HLF: variants seen among roughly 807,000 people sequenced by gnomAD.
The protein encoded by HLF is hepatic leukemia factor.
A neutral mutation model predicts 22.6 loss-of-function variants in HLF; 3 were observed. The observed-to-expected ratio is 0.13, with a 90% CI of 0.06 to 0.34. HLF has a LOEUF of 0.34. HLF is among the 10% of genes least tolerant of loss of function. HLF has a pLI of 1.00. For missense variants in HLF, 299 were observed against 389.2 expected, an observed-to-expected ratio of 0.77 and a Z score of 1.95; for synonymous variants, 151 against 151.8, an observed-to-expected ratio of 0.99 and a Z score of 0.04.
chr17:55,305,449 A>G (rs1471861578), intron 2 of HLF, among the ~76,000 whole-genome samples: 9 of 151,950 alleles, frequency 5.9e-5, no homozygotes, highest in Admixed American at 4.6e-4. Context: ...GGGTTTGCCA[A>G]CTCTTGTCCA....
intron 2 of HLF, among the ~76,000 whole-genome samples, chr17:55,305,947 T>G (rs1338519872): frequency 6.6e-6 from 1 of 152,244 alleles, no homozygotes; most frequent in East Asian, 1.9e-4. Context: ...GTCTTAAGCT[T>G]TCTGTTTTCT....
rs537675911 is a variant in HLF, at chr17:55,320,382, C to T, written c.673-282C>T. On this transcript the variant is annotated intron_variant, in intron 3 of 3. Coordinates refer to ENST00000226067, the MANE Select transcript of HLF (RefSeq NM_002126.5). The surrounding 1 kb of genome is among the most constrained non-coding windows in gnomAD (Gnocchi z 4.2). ...ATTTAAGGGTGAGGTGAGCCACCTG[C>T]TTTCATCCAGCCTCTGATCTCTGCT... 4.6e-5 allele frequency among the ~76,000 whole-genome samples: 7 copies of T among 152,332 alleles called. No individual in the cohort carries two copies. The South Asian group carries it at 1.0e-3, about 23-fold the overall frequency.
At chr17:55,266,391 C>T (rs2080790420) in intron 1 of HLF, 1 of 152,242 alleles carries the variant, frequency 6.6e-6, no homozygotes, top group Admixed American at 6.5e-5. Flanking sequence ...GCCCCAAACC[C>T]GGCTAAGTGA....
chr17:55,305,468 T>C (rs3794752), intron 2 of HLF, among the ~76,000 whole-genome samples: 35,821 of 152,072 alleles, frequency 0.24, 4,571 homozygotes, highest in East Asian at 0.29. Context: ...CAGGAACCTA[T>C]TGGGCTAGAG....
At chr17:55,293,362 C>A (rs1262196338) in intron 2 of HLF, among the ~76,000 whole-genome samples, 1 of 152,170 alleles carries the variant, frequency 6.6e-6, no homozygotes, top group African/African-American at 2.4e-5. Context: ...CGCCACTGTG[C>A]TCTGAGGAGA....
intron 2 of HLF, among the ~76,000 whole-genome samples, chr17:55,307,243 T>G (rs1322245429): frequency 7.3e-6 from 1 of 136,872 alleles, no homozygotes; most frequent in East Asian, 2.5e-4. Context: ...AGCCTCCACC[T>G]CACAGGTTCA....
chr17:55,309,253 A>G (rs34699971), intron 2 of HLF, among the ~76,000 whole-genome samples: 10,434 of 152,248 alleles, frequency 0.069, 808 homozygotes, highest in African/African-American at 0.19. Flanking sequence ...GAGACCAGCT[A>G]ATATGGCCTG....
intron 2 of HLF, among the ~76,000 whole-genome samples, chr17:55,310,106 TTTG>T (rs1904761795): frequency 6.6e-6 from 1 of 152,248 alleles, no homozygotes; most frequent in Non-Finnish European, 1.5e-5. Context: ...CAACTTTGGG[TTTG>T]AAGGTAACTT....
intron 2 of HLF, among the ~76,000 whole-genome samples, chr17:55,270,293 G>A (rs2080840031): frequency 6.6e-6 from 1 of 152,206 alleles, no homozygotes; most frequent in South Asian, 2.1e-4. Flanking sequence ...TCTTGGAGTT[G>A]AAAACTCGAT....
Position 55,321,035 on chromosome 17 carries a change from GTA to G in HLF, c.*160_*161del, listed in dbSNP as rs1401112145. ...GGTGTGCATCTGTGTGTGTGTGCGTGTATATGTGCTTGTGCTCATGTGTGTGG... is the reference window on the plus strand; with the variant it reads ...GGTGTGCATCTGTGTGTGTGTGCGTGTATGTGCTTGTGCTCATGTGTGTGG... On this transcript the variant is annotated 3_prime_UTR_variant, in exon 4 of 4. Coordinates refer to ENST00000226067, the MANE Select transcript of HLF (RefSeq NM_002126.5). 1 of 627,530 alleles carries G rather than the reference GTA, an allele frequency of 1.6e-6. No homozygotes were observed. The highest frequency in any genetic ancestry group is 2.9e-6 in the Non-Finnish European group (1 of 350,428). The allele number at this position is 627,530 out of a possible 1,614,324, so 38.9% of individuals were successfully genotyped here.
Position 55,319,323 on chromosome 17 carries a change from G to T in HLF, c.673-1341G>T, listed in dbSNP as rs375980798. 3.9e-5 allele frequency among the ~76,000 whole-genome samples: 6 copies of T among 152,184 alleles called. No homozygotes were observed. In the East Asian group the frequency reaches 9.7e-4, roughly 25 times the overall value. ...CATGTGACCTCCTTCAATGCCAACT[G>T]CCCCTTGGAATTCTGAGGGGTGCAA... On this transcript the variant is annotated intron_variant, in intron 3 of 3. Transcript: ENST00000226067.
chr17:55,279,572 T>TTATA (rs575484480), intron 2 of HLF, among the ~76,000 whole-genome samples: 2 of 151,644 alleles, frequency 1.3e-5, no homozygotes, highest in Admixed American at 6.6e-5. Context: ...CATCTCTACA[T>TTATA]TATATATATA....
In HLF at chr17:55,320,839, A is replaced by T; in HGVS notation, c.848A>T (p.Asn283Ile). Residue 283 changes from asparagine (N) to isoleucine (I), a missense_variant, in exon 4 of 4, where the codon AAC (asparagine) becomes ATC (isoleucine). Physicochemically the swap from Asn to Ile is moderately radical, Grantham distance 149. Transcript: ENST00000226067. This position sits in a 1 kb window ranked among gnomAD's most constrained non-coding sequence, Gnocchi z 4.2. Reference protein sequence around the residue: ...DLRKELGKCKNILAKYEARHG... With the variant: ...DLRKELGKCKIILAKYEARHG... Reference sequence around the variant, plus strand: ...AGGAAGGAGCTGGGCAAATGCAAGAACATACTTGCCAAGTATGAGGCCAGG... The same window carrying T: ...AGGAAGGAGCTGGGCAAATGCAAGATCATACTTGCCAAGTATGAGGCCAGG... The T allele has an allele frequency of 6.2e-7, 1 of 1,613,690 alleles. No individual in the cohort carries two copies. Among genetic ancestry groups the T allele is most frequent in the South Asian group, 1.1e-5 (1 of 90,952 alleles).
intron 2 of HLF, chr17:55,283,675 G>T (rs1381740468): frequency 6.6e-6 from 1 of 152,272 alleles, no homozygotes; most frequent in African/African-American, 2.4e-5. Flanking sequence ...TTGCAAGGTG[G>T]AGGGAAGCTG....
chr17:55,318,463 T>C (rs28372887), intron 3 of HLF, among the ~76,000 whole-genome samples: 19,252 of 152,070 alleles, frequency 0.13, 1,547 homozygotes, highest in Non-Finnish European at 0.17. Flanking sequence ...CTCTAATAAG[T>C]TAGAGAGAAG....
At chr17:55,284,496 C>A (rs2080983504) in intron 2 of HLF, among the ~76,000 whole-genome samples, 1 of 152,186 alleles carries the variant, frequency 6.6e-6, no homozygotes, top group Non-Finnish European at 1.5e-5. Flanking sequence ...TGCAGATTAA[C>A]CAAGGTGAAG....
intron 2 of HLF, among the ~76,000 whole-genome samples, chr17:55,296,512 T>A (rs2081112958): frequency 6.6e-6 from 1 of 152,224 alleles, no homozygotes; most frequent in African/African-American, 2.4e-5. Flanking sequence ...AATATATGTA[T>A]ATGCATACAA....
intron 3 of HLF, among the ~76,000 whole-genome samples, chr17:55,319,316 G>A (rs1905183035): frequency 6.6e-6 from 1 of 152,024 alleles, no homozygotes; most frequent in African/African-American, 2.4e-5. Context: ...CTCCTTCAAT[G>A]CCAACTGCCC....
At chr17:55,295,412 CAG>C (rs2081102671) in intron 2 of HLF, among the ~76,000 whole-genome samples, 12 of 152,126 alleles carry the variant, frequency 7.9e-5, no homozygotes, top group Admixed American at 7.2e-4. Context: ...GGGAAAAAAA[CAG>C]AAAATTTAAA....
Sources: gnomAD v4.1 joint callset for allele counts (sites outside exome capture counted in the v4.1 genomes callset) on GRCh38, gnomAD v4.1.1 for gene constraint, Gnocchi (gnomAD v3.1) non-coding constraint, MANE v1.5 for transcripts, NCBI Gene and HGNC (gene_info 2026-07-23, HGNC 2026-07-21) for gene names.